Variants in ATP6V1H observed in about 807,000 individuals in gnomAD.
ATP6V1H encodes V-type proton ATPase subunit H.
ATP6V1H carries 39 observed loss-of-function variants against 71.7 expected under a neutral mutation model. That is an observed-to-expected ratio of 0.54 (90% CI 0.42 to 0.71). The LOEUF (loss-of-function observed/expected upper bound fraction) is 0.71. Among genes scored for constraint, ATP6V1H ranks in the 30% least tolerant of loss-of-function variants. The pLI, the probability that ATP6V1H is intolerant of heterozygous loss-of-function variation, is 0.00. For synonymous variants in ATP6V1H, 192 were observed against 199.3 expected (o/e 0.96, Z 0.31); for missense variants, 509 against 594.9 (o/e 0.86, Z 1.50).
intron 11 of ATP6V1H, among the ~76,000 whole-genome samples, chr8:53,765,821 C>T (rs1187241572): frequency 2.0e-5 from 3 of 152,132 alleles, no homozygotes; most frequent in Non-Finnish European, 4.4e-5. Flanking sequence ...AAGCAAAAGA[C>T]TCAGAATGGC....
At chr8:53,732,980 C>T (rs1212584477) in intron 13 of ATP6V1H, among the ~76,000 whole-genome samples, 1 of 152,178 alleles carries the variant, frequency 6.6e-6, no homozygotes. Flanking sequence ...GCAAATGCCC[C>T]TGACGGAGCA....
At chr8:53,725,151 G>C (rs1238969474) in intron 13 of ATP6V1H, among the ~76,000 whole-genome samples, 1 of 152,164 alleles carries the variant, frequency 6.6e-6, no homozygotes, top group Non-Finnish European at 1.5e-5. Flanking sequence ...GGTCATGAGA[G>C]CTCTGCCCTC....
chr8:53,715,672 TG>T lies in ATP6V1H; in HGVS notation c.*291del, dbSNP rs1806398595. On this transcript the variant is annotated 3_prime_UTR_variant, in exon 14 of 14. Coordinates refer to ENST00000359530, the MANE Select transcript of ATP6V1H (RefSeq NM_015941.4). Reference sequence around the variant, plus strand: ...TCCAAGTAAAGAGAGAGGCCATGTTTGGAGTGAGAATCCTTTAATAACTATA... The same window carrying T: ...TCCAAGTAAAGAGAGAGGCCATGTTTGAGTGAGAATCCTTTAATAACTATA... 1 of 291,420 alleles carries T rather than the reference TG, an allele frequency of 3.4e-6. No homozygotes were observed. The highest frequency in any genetic ancestry group is 6.2e-6 in the Non-Finnish European group (1 of 160,246). The allele number at this position is 291,420 out of a possible 1,614,324, so 18.1% of individuals were successfully genotyped here.
Position 53,795,847 on chromosome 8 carries a change from A to G in ATP6V1H, c.678-8T>C, listed in dbSNP as rs1235459115. 7 of 1,574,122 alleles carry G rather than the reference A, an allele frequency of 4.4e-6. No individual in the cohort carries two copies. The highest frequency in any genetic ancestry group is 2.2e-5 in the East Asian group (1 of 44,508). On this transcript the variant is annotated splice_polypyrimidine_tract_variant and splice_region_variant and intron_variant, in intron 8 of 13. Coordinates refer to ENST00000359530, the MANE Select transcript of ATP6V1H (RefSeq NM_015941.4). ...CTCAACACTCCCATTATGCTGAAAA[A>G]CAAACAAACAAAAAAAACACATTTA...
At chr8:53,724,019 T>C (rs1355882317) in intron 13 of ATP6V1H, among the ~76,000 whole-genome samples, 2 of 152,280 alleles carry the variant, frequency 1.3e-5, no homozygotes, top group Non-Finnish European at 2.9e-5. Flanking sequence ...TTTACTATTT[T>C]CTAAGTAAGC....
chr8:53,792,090 T>C (rs1246392006), intron 9 of ATP6V1H, among the ~76,000 whole-genome samples: 6 of 152,196 alleles, frequency 3.9e-5, no homozygotes. Flanking sequence ...ACAACCTACT[T>C]TGACTTAAGA....
intron 8 of ATP6V1H, among the ~76,000 whole-genome samples, chr8:53,798,388 G>A (rs1809809833): frequency 6.6e-6 from 1 of 152,200 alleles, no homozygotes; most frequent in South Asian, 2.1e-4. Flanking sequence ...GCTGGGGGTA[G>A]TGACGCACAC....
At chr8:53,819,625 CATATGTATATACAAATGTAT>C (rs1174646225) in intron 4 of ATP6V1H, among the ~76,000 whole-genome samples, 1 of 70,842 alleles carries the variant, frequency 1.4e-5, no homozygotes, top group Non-Finnish European at 2.4e-5. Flanking sequence ...TACATATATA[CATATGTATATACAAATGTAT>C]ATATGTATAT....
intron 13 of ATP6V1H, among the ~76,000 whole-genome samples, chr8:53,740,765 T>C (rs1395842733): frequency 1.3e-5 from 2 of 152,246 alleles, no homozygotes; most frequent in Admixed American, 6.5e-5. Context: ...CAAACTTCTT[T>C]TACATTTGGG....
chr8:53,802,721 A>G (rs1344113167), intron 7 of ATP6V1H, among the ~76,000 whole-genome samples: 2 of 152,166 alleles, frequency 1.3e-5, no homozygotes, highest in African/African-American at 4.8e-5. Context: ...CTCTGTCTCA[A>G]AAAAAGTAAA....
chr8:53,769,114 G>A (rs984290858), intron 11 of ATP6V1H, among the ~76,000 whole-genome samples: 1 of 152,046 alleles, frequency 6.6e-6, no homozygotes, highest in Admixed American at 6.5e-5. Flanking sequence ...AATTCCAGAT[G>A]GACTGGGTAT....
intron 4 of ATP6V1H, among the ~76,000 whole-genome samples, chr8:53,828,317 G>A (rs1810887704): frequency 6.6e-6 from 1 of 152,150 alleles, no homozygotes; most frequent in African/African-American, 2.4e-5. Context: ...TACAGAAGAG[G>A]TACACATACG....
At chr8:53,827,860 G>T (rs983337626) in intron 4 of ATP6V1H, among the ~76,000 whole-genome samples, 2 of 152,098 alleles carry the variant, frequency 1.3e-5, no homozygotes, top group African/African-American at 4.8e-5. Context: ...AAAACATGTG[G>T]TATTTGGTGT....
chr8:53,816,873 T>C (rs568394096), intron 5 of ATP6V1H, among the ~76,000 whole-genome samples: 1 of 152,260 alleles, frequency 6.6e-6, no homozygotes, highest in African/African-American at 2.4e-5. Context: ...ACACAGTAGC[T>C]GCTTCAAAGT....
At chr8:53,769,596 T>C in intron 11 of ATP6V1H, 22 bp downstream of exon 11, 1 of 1,606,748 alleles carries the variant, frequency 6.2e-7, no homozygotes, top group South Asian at 1.1e-5. Flanking sequence ...ATTAAGAGTG[T>C]AAAGTAGAAC....
At chr8:53,772,285 C>T (rs900259067) in intron 9 of ATP6V1H, 118 bp from the exon 10 acceptor site, 3 of 769,822 alleles carry the variant, frequency 3.9e-6, no homozygotes, top group Admixed American at 2.9e-5. Flanking sequence ...TTAACTATCA[C>T]CTTTAAGTGG....
intron 12 of ATP6V1H, among the ~76,000 whole-genome samples, chr8:53,755,947 C>T (rs1258495730): frequency 3.6e-5 from 5 of 137,720 alleles, no homozygotes; most frequent in Non-Finnish European, 1.6e-5. Context: ...TTAGTAGAGA[C>T]GGGGTTTCAC....
intron 4 of ATP6V1H, among the ~76,000 whole-genome samples, chr8:53,818,742 G>A (rs1810535865): frequency 6.6e-6 from 1 of 152,138 alleles, no homozygotes; most frequent in Non-Finnish European, 1.5e-5. Context: ...CTAAGCATGT[G>A]AGGAAACATA....
At chr8:53,770,932 A>G (rs1243199028) in intron 10 of ATP6V1H, among the ~76,000 whole-genome samples, 1 of 152,212 alleles carries the variant, frequency 6.6e-6, no homozygotes, top group Non-Finnish European at 1.5e-5. Context: ...GAAAATCTAG[A>G]ATAATAAAAA....
Sources: allele counts gnomAD v4.1 joint callset (sites outside exome capture counted in the v4.1 genomes callset), GRCh38; gene constraint gnomAD v4.1.1; transcripts MANE v1.5; gene names NCBI Gene and HGNC (gene_info 2026-07-23, HGNC 2026-07-21).